The following FAF1 variants were observed in gnomAD, a reference collection of about 807,000 sequenced individuals.
The protein encoded by FAF1 is FAS-associated factor 1.
FAF1 carries 25 observed loss-of-function variants against 92.5 expected under a neutral mutation model. That is an observed-to-expected ratio of 0.27 (90% CI 0.20 to 0.38). The LOEUF is 0.38. Among genes scored for constraint, FAF1 ranks in the 10% least tolerant of loss-of-function variants. The pLI is 1.00. For synonymous variants in FAF1, 234 were observed against 273.2 expected (o/e 0.86, Z 1.42); for missense variants, 636 against 793.3 (o/e 0.80, Z 2.38).
chr1:50,759,311 C>G (rs536925874), intron 4 of FAF1, among the ~76,000 whole-genome samples: 1 of 132,872 alleles, frequency 7.5e-6, no homozygotes, highest in African/African-American at 2.8e-5. Context: ...TCCCCCCCAC[C>G]CCACAACAGT....
rs139428992 is a variant in FAF1, at chr1:50,833,704, G to C, written c.114+24225C>G. On this transcript the variant is annotated intron_variant, in intron 2 of 18. Coordinates refer to ENST00000396153, the MANE Select transcript of FAF1 (RefSeq NM_007051.3). The stretch of plus-strand genomic sequence containing the variant: ...GAAGCTATCTAGAGGCCCACCAAGA[G>C]TAGACTCATTAGAACAAAAGACACT... Among the ~76,000 whole-genome samples, 925 of 152,132 alleles carry C rather than the reference G, an allele frequency of 6.1e-3. 5 individuals carry two copies. Among genetic ancestry groups the C allele is most frequent in the Middle Eastern group, 0.048 (14 of 294 alleles).
chr1:50,531,639 A>C (rs1356889278), intron 15 of FAF1, among the ~76,000 whole-genome samples: 1 of 152,174 alleles, frequency 6.6e-6, no homozygotes, highest in East Asian at 1.9e-4. Flanking sequence ...GGTACTTTGT[A>C]AACCTTTACA....
At chr1:50,673,329 G>A (rs57254915) in intron 7 of FAF1, among the ~76,000 whole-genome samples, 1 of 152,070 alleles carries the variant, frequency 6.6e-6, no homozygotes, top group African/African-American at 2.4e-5. Context: ...ATTTCCCAAT[G>A]GATGTATAAG....
rs1653866204 is a variant in FAF1 at position 50,633,201 on chromosome 1, G to T, written c.744+22241C>A. Among the ~76,000 whole-genome samples, 4 of 152,102 alleles carry T rather than the reference G, an allele frequency of 2.6e-5. No homozygotes were observed. In the South Asian group the frequency reaches 8.3e-4, roughly 32 times the overall value. On this transcript the variant is annotated intron_variant, in intron 8 of 18. Transcript: ENST00000396153. ...GGGTTCACAAGCAATTTAGAAGTTG[G>T]GTGCATTTACTTATTAAACAAGTGG... is the stretch of plus-strand genomic sequence containing the variant.
At position 50,695,027 on chromosome 1, in the gene FAF1, C is replaced by G. The variant is rs142803842; in HGVS notation, c.657+10759G>C. Reference sequence around the variant, plus strand: ...TGTCAGCAAAATAGAAGGAAAGAGGCTAAGAAAGTCAATGTGTAAAACAAA... The same window carrying G: ...TGTCAGCAAAATAGAAGGAAAGAGGGTAAGAAAGTCAATGTGTAAAACAAA... On this transcript the variant is annotated intron_variant, in intron 7 of 18. Coordinates refer to ENST00000396153, the MANE Select transcript of FAF1 (RefSeq NM_007051.3). 1.2e-4 allele frequency among the ~76,000 whole-genome samples: 19 copies of G among 152,148 alleles called. No individual in the cohort carries two copies. In the East Asian group the frequency reaches 3.3e-3, roughly 26 times the overall value.
In FAF1 at chr1:50,726,615, G is replaced by C. The variant is rs182947373; in HGVS notation, c.551+12248C>G. On this transcript the variant is annotated intron_variant, in intron 6 of 18. Coordinates refer to ENST00000396153, the MANE Select transcript of FAF1 (RefSeq NM_007051.3). ...GAGGCTGAGGTGGGCGGATCACAAG[G>C]TCAGGAGATTGAGACCATCCTGGCT... Among the ~76,000 whole-genome samples the C allele has an allele frequency of 4.4e-3, 673 of 152,256 alleles. 8 individuals are homozygous for C. Among genetic ancestry groups the C allele is most frequent in the African/African-American group, 0.015 (609 of 41,566 alleles).
intron 1 of FAF1, among the ~76,000 whole-genome samples, chr1:50,877,491 A>G (rs1644580234): frequency 6.6e-6 from 1 of 152,212 alleles, no homozygotes; most frequent in Non-Finnish European, 1.5e-5. Context: ...AACAGAAAAG[A>G]ACATTAGGTA....
intron 1 of FAF1, among the ~76,000 whole-genome samples, chr1:50,862,774 C>A (rs1229889628): frequency 6.6e-6 from 1 of 151,432 alleles, no homozygotes; most frequent in Non-Finnish European, 1.5e-5. Context: ...TTTAAAGCAA[C>A]AACAGTTAAA....
At chr1:50,670,533 C>G (rs759577403) in intron 7 of FAF1, among the ~76,000 whole-genome samples, 3 of 152,196 alleles carry the variant, frequency 2.0e-5, no homozygotes, top group Non-Finnish European at 4.4e-5. Flanking sequence ...TCACTTCATT[C>G]TTATTTCATT....
intron 1 of FAF1, among the ~76,000 whole-genome samples, chr1:50,942,387 T>C (rs1645140671): frequency 1.3e-5 from 2 of 152,040 alleles, no homozygotes; most frequent in East Asian, 1.9e-4. Context: ...TAGTAAGCCA[T>C]GATGGTGCCA....
chr1:50,833,712 A>G (rs1427604349), intron 2 of FAF1, among the ~76,000 whole-genome samples: 2 of 152,142 alleles, frequency 1.3e-5, no homozygotes, highest in Non-Finnish European at 2.9e-5. Context: ...GAGTAGACTC[A>G]TTAGAACAAA....
At chr1:50,880,884 G>C (rs968272593) in intron 1 of FAF1, among the ~76,000 whole-genome samples, 1 of 152,118 alleles carries the variant, frequency 6.6e-6, no homozygotes, top group African/African-American at 2.4e-5. Flanking sequence ...CACACCATTT[G>C]GCTCTGCAAT....
At chr1:50,714,421 G>T (rs1437359344) in intron 6 of FAF1, among the ~76,000 whole-genome samples, 1 of 152,002 alleles carries the variant, frequency 6.6e-6, no homozygotes, top group Non-Finnish European at 1.5e-5. Context: ...GCTGAGGCAG[G>T]AGAATCTCTT....
intron 12 of FAF1, among the ~76,000 whole-genome samples, chr1:50,570,269 T>C (rs1457591838): frequency 6.6e-6 from 1 of 152,242 alleles, no homozygotes; most frequent in East Asian, 1.9e-4. Flanking sequence ...AAAAATTCTT[T>C]AAAAACTCTG....
At chr1:50,921,035 T>G (rs549815923) in intron 1 of FAF1, among the ~76,000 whole-genome samples, 45 of 152,324 alleles carry the variant, frequency 3.0e-4, no homozygotes, top group Admixed American at 4.6e-4. Flanking sequence ...TTCTTTACAT[T>G]AAAAACCTCT....
intron 2 of FAF1, among the ~76,000 whole-genome samples, chr1:50,825,280 G>A (rs923022847): frequency 6.6e-6 from 1 of 151,910 alleles, no homozygotes; most frequent in Non-Finnish European, 1.5e-5. Context: ...ATATTTCTGA[G>A]ACAAACCTTA....
intron 4 of FAF1, among the ~76,000 whole-genome samples, chr1:50,754,345 T>G (rs72690486): frequency 0.013 from 2,016 of 152,344 alleles, 19 homozygotes; most frequent in Middle Eastern, 0.02. Flanking sequence ...TTTAATCTTG[T>G]ACTAGTACTC....
At chr1:50,473,438 G>T (rs1424914124) in intron 18 of FAF1, among the ~76,000 whole-genome samples, 1 of 152,174 alleles carries the variant, frequency 6.6e-6, no homozygotes, top group Non-Finnish European at 1.5e-5. Context: ...ACTAAGGGTT[G>T]GGAAGGGCAA....
chr1:50,513,434 G>A lies in FAF1; in HGVS notation c.1495-21633C>T, dbSNP rs569465918. On this transcript the variant is annotated intron_variant, in intron 15 of 18. Coordinates refer to ENST00000396153, the MANE Select transcript of FAF1 (RefSeq NM_007051.3). ...GAGCCTGGGAGGCGGAGGTTGCAGTGAGATGAGATCGCGCCATTGCACTCC... is the reference window on the plus strand; with the variant it reads ...GAGCCTGGGAGGCGGAGGTTGCAGTAAGATGAGATCGCGCCATTGCACTCC... Among the ~76,000 whole-genome samples the A allele has an allele frequency of 1.4e-4, 21 of 152,288 alleles. No homozygotes were observed. The East Asian group carries it at 3.9e-3, about 28-fold the overall frequency.
Sources: gnomAD v4.1 joint callset for allele counts (sites outside exome capture counted in the v4.1 genomes callset) on GRCh38, gnomAD v4.1.1 for gene constraint, MANE v1.5 for transcripts, NCBI Gene and HGNC (gene_info 2026-07-23, HGNC 2026-07-21) for gene names.